ANKFN1: variants seen among roughly 807,000 people sequenced by gnomAD.
ANKFN1 encodes ankyrin repeat and fibronectin type III domain containing 1, also known as ankyrin repeat and fibronectin type-III domain-containing protein 1.
Under a neutral mutation model 108.7 loss-of-function variants are expected in ANKFN1, and 74 were observed. That is an observed-to-expected ratio of 0.68 (90% CI 0.56 to 0.83). ANKFN1 has a LOEUF of 0.83. Ranked by LOEUF, ANKFN1 falls within the 40% of genes least tolerant of loss-of-function variation. ANKFN1 has a pLI of 0.00. For synonymous variants in ANKFN1, 547 were observed against 516.2 expected (o/e 1.06, Z -0.81); for missense variants, 1,505 against 1,382.3 (o/e 1.09, Z -1.41).
chr17:56,258,774 G>A (rs1286090268), intron 3 of ANKFN1, among the ~76,000 whole-genome samples: 1 of 152,102 alleles, frequency 6.6e-6, no homozygotes, highest in Non-Finnish European at 1.5e-5. Context: ...AGCCGGGCAT[G>A]GTGGCGGGCG....
intron 3 of ANKFN1, among the ~76,000 whole-genome samples, chr17:56,269,852 A>G (rs1191610184): frequency 4.6e-5 from 7 of 152,158 alleles, no homozygotes; most frequent in Non-Finnish European, 1.0e-4. Context: ...GTTCTCATTC[A>G]GGTCTTTGCA....
chr17:56,100,452 T>C (rs979658475), intron 4 of ANKFN1, among the ~76,000 whole-genome samples: 2 of 152,216 alleles, frequency 1.3e-5, no homozygotes, highest in African/African-American at 4.8e-5. Context: ...GTATTACACA[T>C]GAAAAATGTA....
chr17:56,058,110 C>T (rs1230349809), intron 4 of ANKFN1, among the ~76,000 whole-genome samples: 1 of 152,126 alleles, frequency 6.6e-6, no homozygotes, highest in Non-Finnish European at 1.5e-5. Context: ...TTTTTAAAGG[C>T]CCTAGGGTAT....
intron 8 of ANKFN1, among the ~76,000 whole-genome samples, chr17:56,419,956 C>A (rs984116833): frequency 6.6e-6 from 1 of 152,126 alleles, no homozygotes; most frequent in East Asian, 1.9e-4. Context: ...GACAGACAAT[C>A]TTTTAATAAC....
At chr17:56,132,835 T>C (rs947167415) in intron 4 of ANKFN1, among the ~76,000 whole-genome samples, 3 of 152,104 alleles carry the variant, frequency 2.0e-5, no homozygotes, top group Admixed American at 1.3e-4. Flanking sequence ...ATCCTATGCA[T>C]GAGTGGGAAG....
chr17:56,206,821 T>C (rs1914579480), intron 1 of ANKFN1: 1 of 152,204 alleles, frequency 6.6e-6, no homozygotes, highest in African/African-American at 2.4e-5. Context: ...GACACTCCTC[T>C]CTACTTGCAA....
chr17:56,457,394 A>C lies in ANKFN1; in HGVS notation c.1440+5A>C, dbSNP rs746326226. ...GATTTTCTGTGGTTCACGAAGGTAT[A>C]CTAAGTTCTGATTTCATTTTTCCCT... On this transcript the variant is annotated splice_donor_5th_base_variant and intron_variant, in intron 13 of 20. Transcript: ENST00000682825. 21 of 1,577,704 alleles carry C rather than the reference A, an allele frequency of 1.3e-5. No homozygotes were observed. The highest frequency in any genetic ancestry group is 1.8e-5 in the Non-Finnish European group (21 of 1,169,672).
In ANKFN1 at chr17:56,161,581, C is replaced by T. The variant is rs752564967; in HGVS notation, c.-71+8051C>T. ...AACTAATTTCCAAATTTCTGTAATTCCCCACATTACTCAGAACATCTTTTT... is the reference window on the plus strand; with the variant it reads ...AACTAATTTCCAAATTTCTGTAATTTCCCACATTACTCAGAACATCTTTTT... On this transcript the variant is annotated intron_variant, in intron 1 of 20. Coordinates refer to ENST00000682825, the MANE Select transcript of ANKFN1 (RefSeq NM_001370326.1). Among the ~76,000 whole-genome samples, 24 of 152,008 alleles carry T rather than the reference C, an allele frequency of 1.6e-4. 1 individual carries two copies. Among genetic ancestry groups the T allele is most frequent in the Admixed American group, 5.9e-4 (9 of 15,276 alleles).
intron 4 of ANKFN1, among the ~76,000 whole-genome samples, chr17:56,079,475 C>G (rs1300293872): frequency 1.3e-5 from 2 of 152,160 alleles, no homozygotes; most frequent in Non-Finnish European, 2.9e-5. Context: ...CTCCTGGAAG[C>G]TGACCTGCCC....
chr17:56,130,352 G>A (rs551949063), intron 4 of ANKFN1, among the ~76,000 whole-genome samples: 2 of 152,236 alleles, frequency 1.3e-5, no homozygotes, highest in African/African-American at 4.8e-5. Context: ...GTGTCTAGAT[G>A]ACAACAAGTT....
chr17:56,073,102 C>G (rs1905139538), intron 4 of ANKFN1, among the ~76,000 whole-genome samples: 2 of 151,532 alleles, frequency 1.3e-5, no homozygotes, highest in East Asian at 3.9e-4. Flanking sequence ...ACGCCATTCT[C>G]CTGCCTCAGC....
At chr17:56,468,008 C>T (rs999974993) in intron 15 of ANKFN1, among the ~76,000 whole-genome samples, 1 of 152,112 alleles carries the variant, frequency 6.6e-6, no homozygotes. Context: ...AGCAGCTTTG[C>T]TTTCATAACT....
In ANKFN1 at chr17:56,333,861, GTCTCCTAGCTAATA is replaced by G. The variant is rs1427734946; in HGVS notation, c.188+7514_188+7527del. ...GAAATTAACATTCCCATAAAAGGTG[GTCTCCTAGCTAATA>G]TCTCCTAAAGCCTGGTCCTATAGCC... On this transcript the variant is annotated intron_variant, in intron 4 of 20. Coordinates refer to ENST00000682825, the MANE Select transcript of ANKFN1 (RefSeq NM_001370326.1). 3.3e-5 allele frequency among the ~76,000 whole-genome samples: 5 copies of G among 152,124 alleles called. No individual in the cohort carries two copies. The East Asian group carries it at 9.7e-4, about 29-fold the overall frequency.
chr17:56,082,441 C>A (rs72827496), intron 4 of ANKFN1, among the ~76,000 whole-genome samples: 71,995 of 149,490 alleles, frequency 0.48, 19,056 homozygotes, highest in Non-Finnish European at 0.61. Flanking sequence ...CACACACACA[C>A]AAAAAAAAAC....
intron 6 of ANKFN1, among the ~76,000 whole-genome samples, chr17:56,363,406 TCA>T (rs1242712206): frequency 6.6e-6 from 1 of 152,074 alleles, no homozygotes; most frequent in East Asian, 1.9e-4. Flanking sequence ...CTGGCTATTA[TCA>T]AAAAGATGGA....
chr17:56,465,555 A>G (rs528577215), intron 14 of ANKFN1, among the ~76,000 whole-genome samples: 12 of 152,342 alleles, frequency 7.9e-5, no homozygotes, highest in Middle Eastern at 3.4e-3. Context: ...ATGATTTATA[A>G]TGTTTAGAAA....
At chr17:56,195,706 G>A (rs965562529) in intron 1 of ANKFN1, among the ~76,000 whole-genome samples, 1 of 152,206 alleles carries the variant, frequency 6.6e-6, no homozygotes. Flanking sequence ...GCCAGACTGA[G>A]GGCAAATGAC....
At chr17:56,312,086 C>G (rs1013978668) in intron 3 of ANKFN1, among the ~76,000 whole-genome samples, 7 of 152,162 alleles carry the variant, frequency 4.6e-5, no homozygotes, top group African/African-American at 1.7e-4. Flanking sequence ...TCCTTCACCC[C>G]CACCACCCAG....
At chr17:56,236,342 C>A (rs1917149131) in intron 3 of ANKFN1, among the ~76,000 whole-genome samples, 1 of 152,048 alleles carries the variant, frequency 6.6e-6, no homozygotes, top group Non-Finnish European at 1.5e-5. Flanking sequence ...CAGGAGTGAG[C>A]CACCGCGCCT....
Sources: gnomAD v4.1 joint callset for allele counts (sites outside exome capture counted in the v4.1 genomes callset) on GRCh38, gnomAD v4.1.1 for gene constraint, MANE v1.5 for transcripts, NCBI Gene and HGNC (gene_info 2026-07-23, HGNC 2026-07-21) for gene names.